Variants in CPNE8 observed in about 807,000 individuals in gnomAD.
CPNE8 encodes copine-8.
A neutral mutation model predicts 81.5 loss-of-function variants in CPNE8; 45 were observed. That is an observed-to-expected ratio of 0.55 (90% CI 0.44 to 0.71). The LOEUF is 0.71. CPNE8 is among the 30% of genes least tolerant of loss of function. The pLI, the probability that CPNE8 is intolerant of heterozygous loss-of-function variation, is 0.00. For missense variants in CPNE8, 594 were observed against 672.1 expected, an observed-to-expected ratio of 0.88 and a Z score of 1.28; for synonymous variants, 252 against 226.3, an observed-to-expected ratio of 1.11 and a Z score of -1.02.
intron 4 of CPNE8, among the ~76,000 whole-genome samples, chr12:38,843,398 G>T (rs911519671): frequency 1.5e-4 from 23 of 152,172 alleles, no homozygotes; most frequent in African/African-American, 5.5e-4. Context: ...CCATGGCCAG[G>T]TGATGAACAC....
At chr12:38,694,902 C>T (rs1048458299) in intron 14 of CPNE8, among the ~76,000 whole-genome samples, 2 of 152,104 alleles carry the variant, frequency 1.3e-5, no homozygotes, top group Non-Finnish European at 1.5e-5. Context: ...CAGAGAGAAA[C>T]AAAATAAAGA....
intron 6 of CPNE8, 75 bp downstream of exon 6, chr12:38,829,304 A>G (rs892683546): frequency 4.1e-6 from 4 of 979,792 alleles, no homozygotes; most frequent in Middle Eastern, 2.1e-4. Context: ...ACAACCATGC[A>G]TTCACCAATT....
chr12:38,704,110 G>C (rs545647576), intron 13 of CPNE8, among the ~76,000 whole-genome samples: 12 of 152,258 alleles, frequency 7.9e-5, no homozygotes, highest in Middle Eastern at 3.4e-3. Flanking sequence ...AGGAGAGATG[G>C]AAGAAGGGTG....
chr12:38,906,608 G>C, upstream of CPNE8: 1 of 985,498 alleles, frequency 1.0e-6, no homozygotes, highest in African/African-American at 1.7e-5. Context: ...GCAGAGAGGA[G>C]TCAGAGTGAG....
chr12:38,817,286 C>T (rs1167203096), intron 6 of CPNE8, among the ~76,000 whole-genome samples: 2 of 152,164 alleles, frequency 1.3e-5, no homozygotes, highest in African/African-American at 2.4e-5. Context: ...AACAGAAGTA[C>T]TTATTTCCAA....
intron 1 of CPNE8, among the ~76,000 whole-genome samples, chr12:38,885,710 C>G (rs955545525): frequency 6.6e-6 from 1 of 152,026 alleles, no homozygotes; most frequent in African/African-American, 2.4e-5. Flanking sequence ...TTGTTTGGCT[C>G]TATGTCCCCA....
At chr12:38,879,663 T>TA (rs1944122532) in intron 1 of CPNE8, among the ~76,000 whole-genome samples, 1 of 152,142 alleles carries the variant, frequency 6.6e-6, no homozygotes, top group Non-Finnish European at 1.5e-5. Context: ...ATATTCTTGT[T>TA]AAAAAATCCT....
intron 1 of CPNE8, among the ~76,000 whole-genome samples, chr12:38,903,227 C>G (rs1006637119): frequency 9.9e-5 from 15 of 152,146 alleles, no homozygotes; most frequent in Admixed American, 6.5e-4. Context: ...TCAAACTTAT[C>G]GTAAATAGTA....
intron 7 of CPNE8, among the ~76,000 whole-genome samples, chr12:38,775,016 T>C (rs994372432): frequency 2.0e-5 from 3 of 152,232 alleles, no homozygotes; most frequent in Admixed American, 2.0e-4. Flanking sequence ...TAATCAGCTG[T>C]AATACCCAGT....
At chr12:38,831,273 C>A (rs1237611416) in intron 5 of CPNE8, among the ~76,000 whole-genome samples, 2 of 152,156 alleles carry the variant, frequency 1.3e-5, no homozygotes, top group Admixed American at 1.3e-4. Context: ...CATGACCAGA[C>A]ACAAAAGTTG....
At chr12:38,691,223 C>A (rs1198135422) in intron 15 of CPNE8, among the ~76,000 whole-genome samples, 1 of 152,090 alleles carries the variant, frequency 6.6e-6, no homozygotes, top group Non-Finnish European at 1.5e-5. Flanking sequence ...ATAAGACTGA[C>A]CTGGGTTCAA....
intron 1 of CPNE8, among the ~76,000 whole-genome samples, chr12:38,901,333 A>G (rs1163709676): frequency 1.3e-5 from 2 of 152,242 alleles, no homozygotes; most frequent in Admixed American, 6.5e-5. Flanking sequence ...CACTGCTTTT[A>G]TTATTGATAA....
At chr12:38,906,166 T>TC (rs955165816), upstream of CPNE8, 10 of 985,642 alleles carry the variant, frequency 1.0e-5, no homozygotes, top group Non-Finnish European at 1.2e-5. Context: ...TCTTGGGAGA[T>TC]CCCTCCGTCC....
chr12:38,713,366 CAAGT>C, intron 13 of CPNE8, among the ~76,000 whole-genome samples: 1 of 152,196 alleles, frequency 6.6e-6, no homozygotes, highest in Non-Finnish European at 1.5e-5. Context: ...GCCCTTCCTC[CAAGT>C]AACTACAACG....
intron 13 of CPNE8, among the ~76,000 whole-genome samples, chr12:38,712,202 G>C (rs1055692786): frequency 2.7e-5 from 4 of 147,982 alleles, no homozygotes; most frequent in Non-Finnish European, 5.9e-5. Context: ...ATGCAATGAT[G>C]CCATTTTTTT....
intron 6 of CPNE8, among the ~76,000 whole-genome samples, chr12:38,795,902 A>T (rs145237037): frequency 1.0e-4 from 2 of 19,468 alleles, no homozygotes; most frequent in African/African-American, 2.5e-4. Flanking sequence ...GATAGATAGA[A>T]GATAGATAAT....
intron 6 of CPNE8, among the ~76,000 whole-genome samples, chr12:38,810,632 AC>A (rs568421740): frequency 7.9e-5 from 12 of 152,292 alleles, no homozygotes; most frequent in African/African-American, 2.4e-4. Context: ...TATTGCCATA[AC>A]AAATTACCAT....
chr12:38,902,729 G>A (rs1323925743), intron 1 of CPNE8, among the ~76,000 whole-genome samples: 2 of 152,144 alleles, frequency 1.3e-5, no homozygotes, highest in African/African-American at 4.8e-5. Flanking sequence ...CCAACTTATT[G>A]AAGTTCAAAA....
At position 38,685,475 on chromosome 12, in the gene CPNE8, C is replaced by T; in HGVS notation, c.1271+15G>A. 3 of 1,610,808 alleles carry T rather than the reference C, an allele frequency of 1.9e-6. No homozygotes were observed. The highest frequency in any genetic ancestry group is 2.5e-6 in the Non-Finnish European group (3 of 1,178,324). On this transcript the variant is annotated intron_variant, in intron 16 of 19. Coordinates refer to ENST00000331366, the MANE Select transcript of CPNE8 (RefSeq NM_153634.3). ...CAGTACATCAGAATAAGCACCTTGT[C>T]TACTCTCTACTTACCTTGCTACATG...
Sources: allele counts gnomAD v4.1 joint callset (sites outside exome capture counted in the v4.1 genomes callset), GRCh38; gene constraint gnomAD v4.1.1; transcripts MANE v1.5; gene names NCBI Gene and HGNC (gene_info 2026-07-23, HGNC 2026-07-21).